INPP4B: variants seen among roughly 807,000 people sequenced by gnomAD.
INPP4B encodes the protein inositol polyphosphate-4-phosphatase type II B, also known as inositol polyphosphate 4-phosphatase type II.
Under a neutral mutation model 122.5 loss-of-function variants are expected in INPP4B, and 55 were observed. The observed-to-expected ratio is 0.45, with a 90% CI of 0.36 to 0.56. The LOEUF is 0.56. INPP4B is among the 20% of genes least tolerant of loss of function. The pLI is 0.00. For synonymous variants in INPP4B, 403 were observed against 388.7 expected (o/e 1.04, Z -0.43); for missense variants, 1,000 against 1,097.7 (o/e 0.91, Z 1.26).
chr4:142,125,068 T>C (rs1798116660), intron 18 of INPP4B, among the ~76,000 whole-genome samples: 1 of 152,152 alleles, frequency 6.6e-6, no homozygotes, highest in South Asian at 2.1e-4. Context: ...CAAATCTTTC[T>C]CATACTGGAA....
chr4:142,312,739 G>A (rs1476486425), intron 8 of INPP4B, among the ~76,000 whole-genome samples: 1 of 152,188 alleles, frequency 6.6e-6, no homozygotes, highest in Non-Finnish European at 1.5e-5. Context: ...GGCAGTGGAG[G>A]AAGTGGGCCC....
At chr4:142,309,182 C>G (rs1206682073) in intron 8 of INPP4B, among the ~76,000 whole-genome samples, 1 of 152,006 alleles carries the variant, frequency 6.6e-6, no homozygotes, top group East Asian at 1.9e-4. Flanking sequence ...GATCATATAA[C>G]CAGAAGTCAG....
chr4:142,608,490 T>C (rs115635030), intron 2 of INPP4B, among the ~76,000 whole-genome samples: 1,750 of 152,282 alleles, frequency 0.011, 29 homozygotes, highest in African/African-American at 0.032. Context: ...TAATACCCTA[T>C]AATCTTCCAC....
chr4:142,116,245 C>T (rs1441987952), intron 21 of INPP4B, among the ~76,000 whole-genome samples: 2 of 152,074 alleles, frequency 1.3e-5, no homozygotes, highest in Non-Finnish European at 2.9e-5. Context: ...CAACGTTAGA[C>T]AGATCAAGGA....
rs575516546 is a variant in INPP4B, at chr4:142,647,601, C to T, written c.-191+78238G>A. On this transcript the variant is annotated intron_variant, in intron 2 of 25. Transcript: ENST00000262992. ...TTCTTTCTTCCCTGCTTGCTGATAA[C>T]CATGTGTGAGACCAGTAAATTCAAA... Among the ~76,000 whole-genome samples the T allele has an allele frequency of 2.0e-5, 3 of 152,234 alleles. No individual in the cohort carries two copies. In the South Asian group the frequency reaches 6.2e-4, roughly 32 times the overall value.
intron 7 of INPP4B, among the ~76,000 whole-genome samples, chr4:142,353,111 A>G (rs562528968): frequency 6.6e-6 from 1 of 152,094 alleles, no homozygotes; most frequent in Non-Finnish European, 1.5e-5. Flanking sequence ...GTACTTTTTA[A>G]AAGTCCATTA....
chr4:142,240,363 T>G (rs976280767), intron 11 of INPP4B, among the ~76,000 whole-genome samples: 2 of 152,076 alleles, frequency 1.3e-5, no homozygotes, highest in African/African-American at 4.8e-5. Flanking sequence ...ATTCTAATAC[T>G]CTTCAATGCA....
chr4:142,032,074 G>A (rs556446297), intron 25 of INPP4B, among the ~76,000 whole-genome samples: 3 of 152,266 alleles, frequency 2.0e-5, no homozygotes, highest in South Asian at 2.1e-4. Flanking sequence ...AGAAGGTAAC[G>A]TTATCACAGA....
rs531905714 is a variant in INPP4B at position 142,135,517 on chromosome 4, C to T, written c.1720+10323G>A. Among the ~76,000 whole-genome samples the T allele has an allele frequency of 2.6e-3, 397 of 152,276 alleles. 5 individuals carry two copies. The highest frequency in any genetic ancestry group is 8.1e-3 in the African/African-American group (336 of 41,556). ...TCTCCATGGAAATGACTGGCTGGGGCTGGAGCAGTGACCCCCTTTTGGAGG... is the reference window on the plus strand; with the variant it reads ...TCTCCATGGAAATGACTGGCTGGGGTTGGAGCAGTGACCCCCTTTTGGAGG... On this transcript the variant is annotated intron_variant, in intron 18 of 25. Coordinates refer to ENST00000262992, the MANE Select transcript of INPP4B (RefSeq NM_001101669.3).
intron 2 of INPP4B, among the ~76,000 whole-genome samples, chr4:142,663,163 T>C (rs972409039): frequency 1.3e-5 from 2 of 152,210 alleles, no homozygotes; most frequent in Non-Finnish European, 1.5e-5. Context: ...GGTGTTTTTC[T>C]AGATCAGAAG....
intron 2 of INPP4B, among the ~76,000 whole-genome samples, chr4:142,534,401 T>C (rs1308528578): frequency 6.6e-6 from 1 of 152,068 alleles, no homozygotes; most frequent in Non-Finnish European, 1.5e-5. Context: ...AGCACCCTTA[T>C]CAAGGGGCTC....
At chr4:142,449,655 G>A (rs1281205288) in intron 3 of INPP4B, among the ~76,000 whole-genome samples, 4 of 151,484 alleles carry the variant, frequency 2.6e-5, no homozygotes, top group Admixed American at 6.6e-5. Flanking sequence ...AGTCGAGATC[G>A]TGCCACTGCA....
At chr4:142,826,152 A>G (rs1781431541) in intron 1 of INPP4B, among the ~76,000 whole-genome samples, 1 of 152,154 alleles carries the variant, frequency 6.6e-6, no homozygotes, top group Non-Finnish European at 1.5e-5. Context: ...AGAAACGGTA[A>G]TCACATCTTT....
chr4:142,524,341 T>C (rs1362224258), intron 2 of INPP4B, among the ~76,000 whole-genome samples: 1 of 152,094 alleles, frequency 6.6e-6, no homozygotes, highest in Non-Finnish European at 1.5e-5. Context: ...TTTTTAATGA[T>C]TGCCATTCTA....
At chr4:142,837,075 A>G (rs72937904) in intron 1 of INPP4B, among the ~76,000 whole-genome samples, 15,111 of 151,708 alleles carry the variant, frequency 0.1, 2,486 homozygotes, top group African/African-American at 0.34. Flanking sequence ...AGAATCACTC[A>G]AACCCTGGAG....
rs546638175 is a variant in INPP4B, at chr4:142,633,384, C to A, written c.-191+92455G>T. Reference sequence around the variant, plus strand: ...CTGAAGATAAATGCAAGTAGAAGAACAATACCATTAACTGAAAAATATAGA... The same window carrying A: ...CTGAAGATAAATGCAAGTAGAAGAAAAATACCATTAACTGAAAAATATAGA... On this transcript the variant is annotated intron_variant, in intron 2 of 25. Transcript: ENST00000262992. 5.1e-3 allele frequency among the ~76,000 whole-genome samples: 777 copies of A among 152,092 alleles called. 6 individuals carry two copies. The highest frequency in any genetic ancestry group is 0.017 in the African/African-American group (705 of 41,506).
At chr4:142,548,747 G>A (rs1398409196) in intron 2 of INPP4B, among the ~76,000 whole-genome samples, 1 of 114,024 alleles carries the variant, frequency 8.8e-6, no homozygotes, top group East Asian at 5.0e-4. Context: ...ATACAGATGT[G>A]TCTGTGTGTG....
Position 142,734,393 on chromosome 4 carries a change from T to A in INPP4B, c.-253-8492A>T, listed in dbSNP as rs115308989. ...CCTGAAAAACTAATACACATTTATA[T>A]AAAAGTGGGAGGAAACGCTCTGAGG... is the stretch of plus-strand genomic sequence containing the variant. On this transcript the variant is annotated intron_variant, in intron 1 of 25. Coordinates refer to ENST00000262992, the MANE Select transcript of INPP4B (RefSeq NM_001101669.3). Among the ~76,000 whole-genome samples the A allele has an allele frequency of 8.8e-3, 1,336 of 152,268 alleles. 25 individuals are homozygous for A. Among genetic ancestry groups the A allele is most frequent in the African/African-American group, 0.031 (1,286 of 41,552 alleles).
chr4:142,825,482 T>C lies in INPP4B; in HGVS notation c.-254+20727A>G, dbSNP rs866336431. Among the ~76,000 whole-genome samples the C allele has an allele frequency of 1.3e-5, 2 of 152,118 alleles. 1 individual carries two copies. The highest frequency in any genetic ancestry group is 6.3e-3 in the Middle Eastern group (2 of 316). On this transcript the variant is annotated intron_variant, in intron 1 of 25. Coordinates refer to ENST00000262992, the MANE Select transcript of INPP4B (RefSeq NM_001101669.3). ...CACTATATATATATGTATCATATCA[T>C]ATCATATCATATCATATATCATTGA...
Sources: allele counts gnomAD v4.1 joint callset (sites outside exome capture counted in the v4.1 genomes callset), GRCh38; gene constraint gnomAD v4.1.1; transcripts MANE v1.5; gene names NCBI Gene and HGNC (gene_info 2026-07-23, HGNC 2026-07-21).